ALX3: variants seen among roughly 807,000 people sequenced by gnomAD.
ALX3 encodes the protein ALX homeobox 3.
A neutral mutation model predicts 26.3 loss-of-function variants in ALX3; 17 were observed. The observed-to-expected ratio is 0.65, with a 90% confidence interval of 0.44 to 0.97. The LOEUF is 0.97. ALX3 is among the 50% of genes least tolerant of loss of function. The pLI is 0.00. For synonymous variants in ALX3, 208 were observed against 201.4 expected (o/e 1.03, Z -0.28); for missense variants, 461 against 466.5 (o/e 0.99, Z 0.11).
chr1:110,061,102 CA>C, intron 3 of ALX3, 61 bp from the exon 4 acceptor site: 1 of 1,537,864 alleles, frequency 6.5e-7, no homozygotes, highest in Non-Finnish European at 8.8e-7. Context: ...CTTCCCTACC[CA>C]GGGGCTTTCT....
chr1:110,063,134 A>G (rs1653694506), intron 2 of ALX3, among the ~76,000 whole-genome samples: 1 of 151,900 alleles, frequency 6.6e-6, no homozygotes, highest in Non-Finnish European at 1.5e-5. Context: ...CCTCATGGCT[A>G]CTCCTGCACC....
chr1:110,062,645 G>GTGTGTGTGCGCGCGCGCGC (rs57279963), intron 2 of ALX3: 1 of 132,300 alleles, frequency 7.6e-6, no homozygotes, highest in African/African-American at 2.8e-5. Context: ...GTGTGTGTGT[G>GTGTGTGTGCGCGCGCGCGC]GAGTAATCCG....
chr1:110,062,396 A>G (rs116506773), intron 2 of ALX3: 2 of 152,278 alleles, frequency 1.3e-5, no homozygotes, highest in African/African-American at 4.8e-5. Context: ...ATCTGTGTAC[A>G]TATCTGTGAT....
chr1:110,065,043 C>G, intron 1 of ALX3, 140 bp from the exon 2 acceptor site: 1 of 916,422 alleles, frequency 1.1e-6, no homozygotes. Context: ...TGGCAGCCAC[C>G]CTCCATGGGA....
intron 1 of ALX3, among the ~76,000 whole-genome samples, chr1:110,069,723 A>T (rs570522801): frequency 3.7e-4 from 57 of 152,320 alleles, no homozygotes; most frequent in African/African-American, 1.4e-3. Flanking sequence ...TTCCGTCTTG[A>T]GGACAGCCCT....
At chr1:110,064,521 C>G in intron 2 of ALX3, 66 bp downstream of exon 2, 1 of 1,585,034 alleles carries the variant, frequency 6.3e-7, no homozygotes. Context: ...CCAGCCCTTC[C>G]AGATCACTTT....
chr1:110,061,592 G>A, intron 2 of ALX3, 29 bp from the exon 3 acceptor site: 2 of 1,613,680 alleles, frequency 1.2e-6, no homozygotes, highest in Non-Finnish European at 8.5e-7. Context: ...GGTTTGAGGG[G>A]GTGATAGGGC....
intron 1 of ALX3, 121 bp downstream of exon 1, chr1:110,070,215 G>C: frequency 8.8e-7 from 1 of 1,135,212 alleles, no homozygotes; most frequent in Non-Finnish European, 1.1e-6. Context: ...CGAAAGGCGA[G>C]AGGGGCAAAA....
At position 110,064,683 on chromosome 1, in the gene ALX3, C is replaced by T. The variant is rs1653737860; in HGVS notation, c.498G>A (p.Glu166=). 2.5e-6 allele frequency: 4 copies of T among 1,614,132 alleles called. No individual in the cohort carries two copies. Among genetic ancestry groups the T allele is most frequent in the African/African-American group, 2.7e-5 (2 of 74,954 alleles). The change falls in exon 2 of 4, where the codon GAG becomes GAA. Residue 166 remains glutamate (E), a synonymous_variant. Coordinates refer to ENST00000647563, the MANE Select transcript of ALX3 (RefSeq NM_006492.3). ...NRTTFSTFQL[E]ELEKVFQKTH... ...TTTTCTGGAAGACCTTCTCCAGCTCCTCCAGCTGGAATGTGCTGAAGGTCG... is the reference window on the plus strand; with the variant it reads ...TTTTCTGGAAGACCTTCTCCAGCTCTTCCAGCTGGAATGTGCTGAAGGTCG...
At chr1:110,061,897 A>G (rs1653657922) in intron 2 of ALX3, 1 of 377,870 alleles carries the variant, frequency 2.6e-6, no homozygotes, top group Non-Finnish European at 5.0e-6. Flanking sequence ...TCCTGGGTAT[A>G]CTGTGTACAT....
intron 3 of ALX3, 160 bp downstream of exon 3, chr1:110,061,275 T>C: frequency 1.6e-6 from 2 of 1,253,354 alleles, no homozygotes; most frequent in Non-Finnish European, 2.2e-6. Context: ...CATGCGTCAT[T>C]CATGAGACAG....
intron 2 of ALX3, among the ~76,000 whole-genome samples, chr1:110,063,712 C>G (rs1201455906): frequency 6.6e-6 from 1 of 151,830 alleles, no homozygotes; most frequent in East Asian, 2.0e-4. Flanking sequence ...GTGTCTCCTG[C>G]TTGGTATCGG....
Position 110,060,655 on chromosome 1 carries a change from TG to T in ALX3, c.*77del. On this transcript the variant is annotated 3_prime_UTR_variant, in exon 4 of 4. Coordinates refer to ENST00000647563, the MANE Select transcript of ALX3 (RefSeq NM_006492.3). ...GCAGCCTCCAGAACCATCTGGGGCT[TG>T]GAGGCAGAGGTGGGCTGGGAGCGAC... 6.8e-7 allele frequency: 1 copy of T among 1,477,596 alleles called. No individual in the cohort carries two copies. The highest frequency in any genetic ancestry group is 1.3e-5 in the South Asian group (1 of 76,766). 91.5% of individuals were successfully genotyped at this position (1,477,596 alleles called of 1,614,324 possible). A position where few individuals can be genotyped will look rare whatever the true frequency, so the allele number is the denominator to read the frequency against.
intron 1 of ALX3, among the ~76,000 whole-genome samples, chr1:110,065,861 T>C (rs1402570586): frequency 6.6e-6 from 1 of 152,186 alleles, no homozygotes; most frequent in Non-Finnish European, 1.5e-5. Context: ...CGACAGAGCA[T>C]GGTGAAAAAT....
intron 2 of ALX3, among the ~76,000 whole-genome samples, chr1:110,063,407 C>T (rs779929760): frequency 1.6e-4 from 24 of 152,146 alleles, no homozygotes; most frequent in Non-Finnish European, 2.2e-4. Flanking sequence ...GGCAGGAGAA[C>T]GCAGCAGAGA....
At chr1:110,064,466 G>T in intron 2 of ALX3, 121 bp downstream of exon 2, 1 of 1,216,708 alleles carries the variant, frequency 8.2e-7, no homozygotes. Context: ...GCTGGTGCAG[G>T]CCCCTGGGAA....
At chr1:110,069,412 G>C (rs1653866569) in intron 1 of ALX3, among the ~76,000 whole-genome samples, 1 of 152,370 alleles carries the variant, frequency 6.6e-6, no homozygotes, top group Non-Finnish European at 1.5e-5. Context: ...GGTGGGTGCA[G>C]TGCGGAAGCC....
intron 1 of ALX3, among the ~76,000 whole-genome samples, chr1:110,068,397 C>T (rs1261775757): frequency 6.6e-6 from 1 of 152,190 alleles, no homozygotes; most frequent in Non-Finnish European, 1.5e-5. Context: ...CGCCGAGGTC[C>T]GCTCTGCCGC....
Position 110,070,537 on chromosome 1 carries a change from G to A in ALX3, c.76C>T (p.Pro26Ser). 1 of 1,295,282 alleles carries A rather than the reference G, an allele frequency of 7.7e-7. No homozygotes were observed. The allele number at this position is 1,295,282 out of a possible 1,614,324, so 80.2% of individuals were successfully genotyped here. ...GPYVASGDEP[P>S]GPQGTPAAAP... ...GCGGCGGGGGTTCCCTGCGGGCCCG[G>A]AGGCTCGTCCCCCGAGGCCACATAG... Residue 26 changes from proline to serine, a missense_variant, in exon 1 of 4, where the codon CCG becomes TCG. By Grantham distance (74) the Pro-to-Ser change is moderately conservative. Transcript: ENST00000647563.
Sources: allele counts gnomAD v4.1 joint callset (sites outside exome capture counted in the v4.1 genomes callset), GRCh38; gene constraint gnomAD v4.1.1; transcripts MANE v1.5; gene names NCBI Gene and HGNC (gene_info 2026-07-23, HGNC 2026-07-21).